The following AIG1 variants were observed in gnomAD, a reference collection of about 807,000 sequenced individuals.
AIG1 encodes the protein androgen induced 1.
In AIG1, 23 loss-of-function variants were observed where a neutral mutation model predicts 31.4. That is an observed-to-expected ratio of 0.73 (90% CI 0.53 to 1.04). The LOEUF (loss-of-function observed/expected upper bound fraction) is 1.04, where lower values mean the gene tolerates loss of function less well. Among genes scored for constraint, AIG1 ranks in the 50% least tolerant of loss-of-function variants. The probability of loss-of-function intolerance (pLI) is 0.00; values close to 1 mark genes in which losing one functional copy is unlikely to be tolerated. For synonymous variants in AIG1, 100 were observed against 110.5 expected, an observed-to-expected ratio of 0.90 and a Z score of 0.60; for missense variants, 274 against 295.0, an observed-to-expected ratio of 0.93 and a Z score of 0.52.
chr6:143,074,217 C>T (rs954256631), intron 1 of AIG1, among the ~76,000 whole-genome samples: 5 of 152,162 alleles, frequency 3.3e-5, no homozygotes, highest in South Asian at 2.1e-4. Context: ...GTTTCCTTTG[C>T]TGTGCAAAAG....
intron 4 of AIG1, among the ~76,000 whole-genome samples, chr6:143,311,683 C>T (rs1775287650): frequency 6.6e-6 from 1 of 151,818 alleles, no homozygotes. Context: ...TGATGAAGAA[C>T]ATCTATTAAA....
chr6:143,074,314 T>C (rs575007609), intron 1 of AIG1, among the ~76,000 whole-genome samples: 2 of 152,326 alleles, frequency 1.3e-5, no homozygotes, highest in East Asian at 3.9e-4. Context: ...AAGTAAATCA[T>C]TGCCAAGACC....
rs181858320 is a variant in AIG1 at position 143,100,654 on chromosome 6, G to A, written c.142-36181G>A. On this transcript the variant is annotated intron_variant, in intron 1 of 5. Coordinates refer to ENST00000357847, the MANE Select transcript of AIG1 (RefSeq NM_016108.4). ...AGATTGCGTAAGATGCTAATGGAGA[G>A]AAGATAGTAATATAGTCATACTTAA... Among the ~76,000 whole-genome samples the A allele has an allele frequency of 2.7e-4, 41 of 152,002 alleles. No homozygotes were observed. In the East Asian group the frequency reaches 5.0e-3, roughly 19 times the overall value.
Position 143,340,376 on chromosome 6 carries a change from G to A in AIG1, c.*700G>A, listed in dbSNP as rs1391616288. On this transcript the variant is annotated 3_prime_UTR_variant, in exon 6 of 6. Transcript: ENST00000357847. ...CTCCTTTTCATTTTTATTACCTGTT[G>A]AAAATGGGTTTACTGAACCTGGTTC... The A allele has an allele frequency of 6.6e-6, 1 of 152,108 alleles. No individual in the cohort carries two copies. The highest frequency in any genetic ancestry group is 2.4e-5 in the African/African-American group (1 of 41,408). The allele number at this position is 152,108 out of a possible 1,614,324, so 9.4% of individuals were successfully genotyped here. A position where few individuals can be genotyped will look rare whatever the true frequency, so the allele number is the denominator to read the frequency against.
chr6:143,142,527 A>G (rs1016856269), intron 2 of AIG1, among the ~76,000 whole-genome samples: 2 of 152,202 alleles, frequency 1.3e-5, no homozygotes, highest in East Asian at 3.8e-4. Flanking sequence ...GGTCTGCTGC[A>G]TCGCGGTATG....
At chr6:143,097,245 TG>T (rs1174976332) in intron 1 of AIG1, among the ~76,000 whole-genome samples, 1 of 152,036 alleles carries the variant, frequency 6.6e-6, no homozygotes, top group Non-Finnish European at 1.5e-5. Context: ...TACTTTGTAG[TG>T]GGAGAATTTC....
chr6:143,129,933 C>CTT (rs917523183), intron 1 of AIG1, among the ~76,000 whole-genome samples: 11 of 134,778 alleles, frequency 8.2e-5, no homozygotes, highest in Middle Eastern at 3.6e-3. Flanking sequence ...TAAATAGACA[C>CTT]TTTTTTTTTT....
At chr6:143,242,361 C>A (rs529999249) in intron 3 of AIG1, among the ~76,000 whole-genome samples, 38 of 152,244 alleles carry the variant, frequency 2.5e-4, no homozygotes, top group African/African-American at 8.4e-4. Context: ...ATAATAACAA[C>A]CATAATAATA....
At chr6:143,301,549 C>G (rs1798826913) in intron 4 of AIG1, among the ~76,000 whole-genome samples, 2 of 152,168 alleles carry the variant, frequency 1.3e-5, no homozygotes, top group Non-Finnish European at 1.5e-5. Flanking sequence ...CTGCGGAGGC[C>G]TCAGGAAACT....
intron 1 of AIG1, 190 bp downstream of exon 1, chr6:143,061,256 C>G (rs1004983852): frequency 1.2e-5 from 9 of 743,710 alleles, no homozygotes; most frequent in Non-Finnish European, 2.2e-5. Context: ...GCGGCACCTT[C>G]TGAACCACTC....
intron 3 of AIG1, among the ~76,000 whole-genome samples, chr6:143,171,468 AAT>A (rs1302518708): frequency 1.9e-5 from 2 of 103,854 alleles, no homozygotes; most frequent in African/African-American, 4.3e-5. Context: ...ATATATATTT[AAT>A]ATATATAATA....
intron 1 of AIG1, among the ~76,000 whole-genome samples, chr6:143,079,012 A>G (rs534645102): frequency 6.6e-6 from 1 of 152,286 alleles, no homozygotes; most frequent in South Asian, 2.1e-4. Flanking sequence ...AGTCTTCTCA[A>G]AATTTTAGCC....
chr6:143,191,686 AG>A (rs576751594), intron 3 of AIG1, among the ~76,000 whole-genome samples: 57 of 152,240 alleles, frequency 3.7e-4, no homozygotes, highest in African/African-American at 1.3e-3. Flanking sequence ...GAAGGGTGGG[AG>A]TCTAGGAGGA....
intron 3 of AIG1, among the ~76,000 whole-genome samples, chr6:143,205,419 C>T (rs112015450): frequency 2.0e-5 from 3 of 152,246 alleles, no homozygotes; most frequent in African/African-American, 7.2e-5. Context: ...TACAGTTTTT[C>T]CTGTATGAAT....
At chr6:143,253,346 T>C (rs188272355) in intron 3 of AIG1, among the ~76,000 whole-genome samples, 12 of 152,318 alleles carry the variant, frequency 7.9e-5, no homozygotes, top group Non-Finnish European at 1.5e-4. Flanking sequence ...ACCACCTAAA[T>C]AAGACCCATT....
At chr6:143,139,918 A>T (rs1784107563) in intron 2 of AIG1, among the ~76,000 whole-genome samples, 1 of 152,220 alleles carries the variant, frequency 6.6e-6, no homozygotes, top group Non-Finnish European at 1.5e-5. Context: ...GCAAAGTCAT[A>T]TTTATACAAT....
intron 1 of AIG1, among the ~76,000 whole-genome samples, chr6:143,104,277 A>G (rs1207637804): frequency 6.6e-6 from 1 of 152,236 alleles, no homozygotes; most frequent in African/African-American, 2.4e-5. Context: ...CTTAGAGCCT[A>G]TTACATAAAA....
chr6:143,133,187 A>G (rs768225297), intron 1 of AIG1, among the ~76,000 whole-genome samples: 78 of 152,130 alleles, frequency 5.1e-4, no homozygotes, highest in Non-Finnish European at 1.0e-3. Flanking sequence ...TTTGTTTTTA[A>G]TAGGCATTTA....
chr6:143,290,117 T>C (rs1217911282), intron 4 of AIG1, among the ~76,000 whole-genome samples: 1 of 152,078 alleles, frequency 6.6e-6, no homozygotes, highest in Non-Finnish European at 1.5e-5. Context: ...GGCATATATG[T>C]ATGGGTCTGC....
Sources: allele counts gnomAD v4.1 joint callset (sites outside exome capture counted in the v4.1 genomes callset), GRCh38; gene constraint gnomAD v4.1.1; transcripts MANE v1.5; gene names NCBI Gene and HGNC (gene_info 2026-07-23, HGNC 2026-07-21).